Variants in SLC22A23 observed in about 807,000 individuals in gnomAD.
The protein encoded by SLC22A23 is solute carrier family 22 member 23.
A neutral mutation model predicts 61.0 loss-of-function variants in SLC22A23; 26 were observed. That is an observed-to-expected ratio of 0.43 (90% CI 0.31 to 0.59). The LOEUF (loss-of-function observed/expected upper bound fraction) is 0.59, where lower values mean the gene tolerates loss of function less well. Ranked by LOEUF, SLC22A23 falls within the 20% of genes least tolerant of loss-of-function variation. The pLI, the probability that SLC22A23 is intolerant of heterozygous loss-of-function variation, is 0.11. For missense variants in SLC22A23, 796 were observed against 934.7 expected, an observed-to-expected ratio of 0.85 and a Z score of 1.94; for synonymous variants, 430 against 413.9, an observed-to-expected ratio of 1.04 and a Z score of -0.47.
intron 9 of SLC22A23, chr6:3,282,208 G>C (rs1258778020): frequency 1.4e-6 from 1 of 702,466 alleles, no homozygotes; most frequent in African/African-American, 1.7e-5. Context: ...TTTGATAAAG[G>C]AGAGAAATTT....
intron 3 of SLC22A23, among the ~76,000 whole-genome samples, chr6:3,345,370 T>G: frequency 6.7e-6 from 1 of 148,514 alleles, no homozygotes. Flanking sequence ...TTTCTTTTTT[T>G]TTTTTTTTTT....
chr6:3,283,483 A>C (rs759181968), intron 9 of SLC22A23: 4 of 297,500 alleles, frequency 1.3e-5, no homozygotes, highest in Admixed American at 4.4e-5. Flanking sequence ...ATTTTGCACT[A>C]GCTGTGCCGT....
In SLC22A23 at chr6:3,308,230, C is replaced by T. The variant is rs58488740; in HGVS notation, c.1083-10012G>A. ...TTAAAAGAAAATATTACAGAGAAGACGAAAGCCCCCCCATACCGCTCACCC... is the reference window on the plus strand; with the variant it reads ...TTAAAAGAAAATATTACAGAGAAGATGAAAGCCCCCCCATACCGCTCACCC... On this transcript the variant is annotated intron_variant, in intron 4 of 9. Transcript: ENST00000406686. This position sits in a 1 kb window ranked among gnomAD's most constrained non-coding sequence, Gnocchi z 5.1. Among the ~76,000 whole-genome samples, 35,301 of 151,298 alleles carry T rather than the reference C, an allele frequency of 0.23. 5,004 individuals carry two copies. Among genetic ancestry groups the T allele is most frequent in the East Asian group, 0.35 (1,796 of 5,164 alleles).
intron 3 of SLC22A23, among the ~76,000 whole-genome samples, chr6:3,362,155 G>C (rs1209967668): frequency 1.3e-5 from 2 of 151,790 alleles, no homozygotes; most frequent in African/African-American, 4.8e-5. Flanking sequence ...TGTAATCCTA[G>C]GACTTTGAGA....
At chr6:3,415,412 C>T (rs60572137) in intron 2 of SLC22A23, among the ~76,000 whole-genome samples, 1,708 of 152,350 alleles carry the variant, frequency 0.011, 34 homozygotes, top group African/African-American at 0.037. Flanking sequence ...TCTTCTGCAG[C>T]TGCCCCTTAG....
intron 3 of SLC22A23, among the ~76,000 whole-genome samples, chr6:3,377,226 A>C (rs1766629787): frequency 6.6e-6 from 1 of 152,200 alleles, no homozygotes; most frequent in Admixed American, 6.5e-5. Flanking sequence ...CAAAGCCCAA[A>C]ATATTTACCA....
intron 4 of SLC22A23, chr6:3,323,631 T>C: frequency 6.0e-6 from 4 of 664,488 alleles, no homozygotes; most frequent in African/African-American, 1.8e-5. Flanking sequence ...TCCACTCTTC[T>C]ATTTTTGTGT....
intron 3 of SLC22A23, among the ~76,000 whole-genome samples, chr6:3,326,700 G>A (rs1374955520): frequency 1.3e-5 from 2 of 152,238 alleles, no homozygotes; most frequent in South Asian, 2.1e-4. Context: ...GCGGCTTGAT[G>A]TAAGGACACA....
chr6:3,384,892 C>T (rs183381377), intron 3 of SLC22A23, among the ~76,000 whole-genome samples: 6 of 152,286 alleles, frequency 3.9e-5, no homozygotes, highest in Middle Eastern at 3.4e-3. Context: ...CGATATAATA[C>T]GATCCCGCCT....
intron 3 of SLC22A23, among the ~76,000 whole-genome samples, chr6:3,356,104 G>GT (rs1354213228): frequency 2.2e-5 from 1 of 46,158 alleles, no homozygotes; most frequent in African/African-American, 1.0e-4. Context: ...AGGAGGCGGG[G>GT]GTGGGTGGAG....
intron 3 of SLC22A23, among the ~76,000 whole-genome samples, chr6:3,406,822 G>A (rs1476137512): frequency 6.6e-6 from 1 of 152,004 alleles, no homozygotes; most frequent in African/African-American, 2.4e-5. Context: ...CATGTAAAGT[G>A]TAGAGTATTT....
chr6:3,346,304 T>A (rs1764434499), intron 3 of SLC22A23, among the ~76,000 whole-genome samples: 1 of 152,114 alleles, frequency 6.6e-6, no homozygotes, highest in Non-Finnish European at 1.5e-5. Flanking sequence ...GAAGCTGCAA[T>A]CACCCCTGCC....
rs759573491 is a variant in SLC22A23 at position 3,415,847 on chromosome 6, A to G, written c.663T>C (p.Leu221=). ...LVQNVVSKWD[L]VCDNAWKVHI... ...GGACCTTCCAGGCATTATCACACACAAGATCCCACTAGAGAGGGGCAAATA... is the reference window on the plus strand; with the variant it reads ...GGACCTTCCAGGCATTATCACACACGAGATCCCACTAGAGAGGGGCAAATA... The change falls in exon 2 of 10, where the codon CTT becomes CTC. Residue 221 remains leucine, a synonymous_variant. Transcript: ENST00000406686. The G allele has an allele frequency of 1.6e-5, 25 of 1,550,720 alleles. No homozygotes were observed. The East Asian group carries it at 6.1e-4, about 38-fold the overall frequency.
In SLC22A23 at chr6:3,324,063, G is replaced by GGGTGCACCTGGGCC. The variant is rs1489672347; in HGVS notation, c.914-75_914-62dup. The GGGTGCACCTGGGCC allele has an allele frequency of 1.1e-4, 171 of 1,580,148 alleles. 1 individual carries two copies. Among genetic ancestry groups the GGGTGCACCTGGGCC allele is most frequent in the Non-Finnish European group, 8.6e-6 (10 of 1,156,980 alleles). The stretch of plus-strand genomic sequence containing the variant: ...CCTGCTCGACAGCCCGAGAAGTCCT[G>GGGTGCACCTGGGCC]GGTGCACCTGGGCCAGTGCACTGCT... On this transcript the variant is annotated intron_variant, in intron 3 of 9. Transcript: ENST00000406686. This position sits in a 1 kb window ranked among gnomAD's most constrained non-coding sequence, Gnocchi z 4.3.
chr6:3,315,865 AAAAAAAAAAGAAAAG>A lies in SLC22A23; in HGVS notation c.1082+7954_1082+7968del, dbSNP rs1191280082. Among the ~76,000 whole-genome samples, 7 of 69,160 alleles carry A rather than the reference AAAAAAAAAAGAAAAG, an allele frequency of 1.0e-4. No homozygotes were observed. The East Asian group carries it at 6.7e-3, about 66-fold the overall frequency. 45.4% of individuals were successfully genotyped at this position (69,160 alleles called of 152,430 possible). On this transcript the variant is annotated intron_variant, in intron 4 of 9. Coordinates refer to ENST00000406686, the MANE Select transcript of SLC22A23 (RefSeq NM_015482.2). ...GGCGACAGAGTGAGAATCCGTCTCAAAAAAAAAAAGAAAAGAAAAGAAAAGAAAAGTGTGTGTCCA... is the reference window on the plus strand; with the variant it reads ...GGCGACAGAGTGAGAATCCGTCTCAAAAAAGAAAAGAAAAGTGTGTGTCCA...
intron 3 of SLC22A23, among the ~76,000 whole-genome samples, chr6:3,376,216 A>G (rs1470069955): frequency 2.6e-5 from 4 of 152,200 alleles, no homozygotes; most frequent in African/African-American, 9.7e-5. Context: ...ACCAGACTGA[A>G]GACTGGACAC....
At chr6:3,420,078 T>C (rs1191531065) in intron 1 of SLC22A23, among the ~76,000 whole-genome samples, 1 of 152,158 alleles carries the variant, frequency 6.6e-6, no homozygotes, top group East Asian at 1.9e-4. Flanking sequence ...TTTCATAATC[T>C]TAGGCTTGCT....
intron 3 of SLC22A23, among the ~76,000 whole-genome samples, chr6:3,399,013 A>T (rs1768201238): frequency 6.6e-6 from 1 of 152,100 alleles, no homozygotes; most frequent in African/African-American, 2.4e-5. Flanking sequence ...TGGGCAACAG[A>T]GCAAGACTCT....
chr6:3,292,276 G>A (rs1292653432), intron 5 of SLC22A23, among the ~76,000 whole-genome samples: 1 of 152,188 alleles, frequency 6.6e-6, no homozygotes, highest in Non-Finnish European at 1.5e-5. Flanking sequence ...TCAAGGCAGC[G>A]CTCTATGTTA....
Sources: allele counts gnomAD v4.1 joint callset (sites outside exome capture counted in the v4.1 genomes callset), GRCh38; gene constraint gnomAD v4.1.1; non-coding constraint Gnocchi (gnomAD v3.1); transcripts MANE v1.5; gene names NCBI Gene and HGNC (gene_info 2026-07-23, HGNC 2026-07-21).